The following CCDC126 variants were observed in gnomAD, a reference collection of about 807,000 sequenced individuals.
CCDC126 encodes coiled-coil domain containing 126.
A neutral mutation model predicts 11.7 loss-of-function variants in CCDC126; 5 were observed. That is an observed-to-expected ratio of 0.43 (90% confidence interval 0.22 to 0.90). The LOEUF (loss-of-function observed/expected upper bound fraction) is 0.90, where lower values mean the gene tolerates loss of function less well. Ranked by LOEUF, CCDC126 falls within the 40% of genes least tolerant of loss-of-function variation. The pLI is 0.27. For missense variants in CCDC126, 150 were observed against 163.1 expected (o/e 0.92, Z 0.44); for synonymous variants, 60 against 61.9 (o/e 0.97, Z 0.14).
intron 3 of CCDC126, among the ~76,000 whole-genome samples, chr7:23,638,727 T>TAAAAAAAAAAAAAAAAAAA (rs70954398): frequency 1.9e-4 from 17 of 89,648 alleles, no homozygotes; most frequent in Non-Finnish European, 2.4e-4. Context: ...AAAAAAAAAT[T>TAAAAAAAAAAAAAAAAAAA]AAAAAAAAAA....
intron 2 of CCDC126, among the ~76,000 whole-genome samples, chr7:23,602,931 C>A (rs1782567189): frequency 6.6e-6 from 1 of 152,152 alleles, no homozygotes; most frequent in Non-Finnish European, 1.5e-5. Flanking sequence ...CCTTTCACAT[C>A]TATGGTTCCT....
intron 3 of CCDC126, chr7:23,619,535 A>T: frequency 3.2e-6 from 1 of 309,128 alleles, no homozygotes; most frequent in Non-Finnish European, 6.5e-6. Context: ...CCACCTTACT[A>T]CATCCTTGTT....
At chr7:23,633,782 G>A (rs1257945835) in intron 3 of CCDC126, among the ~76,000 whole-genome samples, 1 of 152,106 alleles carries the variant, frequency 6.6e-6, no homozygotes, top group African/African-American at 2.4e-5. Context: ...TGAGCCCCGA[G>A]GTCGAGGCTG....
At chr7:23,618,954 T>C (rs1272004106) in intron 3 of CCDC126, among the ~76,000 whole-genome samples, 7 of 152,166 alleles carry the variant, frequency 4.6e-5, no homozygotes, top group Non-Finnish European at 8.8e-5. Flanking sequence ...TCAGATACCC[T>C]GGAGAAGCAC....
At chr7:23,636,276 C>T (rs1372064455) in intron 3 of CCDC126, among the ~76,000 whole-genome samples, 1 of 152,036 alleles carries the variant, frequency 6.6e-6, no homozygotes, top group African/African-American at 2.4e-5. Context: ...CTCTGCCCAG[C>T]CGCCACCCCG....
chr7:23,602,898 C>T (rs1028461636), intron 2 of CCDC126, among the ~76,000 whole-genome samples: 3 of 151,934 alleles, frequency 2.0e-5, no homozygotes, highest in Admixed American at 1.3e-4. Flanking sequence ...AAACAGGAAT[C>T]CTGTCTTTCA....
intron 3 of CCDC126, among the ~76,000 whole-genome samples, chr7:23,620,737 T>A (rs1460147324): frequency 6.6e-6 from 1 of 152,240 alleles, no homozygotes. Flanking sequence ...CTTTAATCCA[T>A]CTTGAATTAA....
At chr7:23,626,219 T>G (rs974748452) in intron 3 of CCDC126, among the ~76,000 whole-genome samples, 2 of 152,180 alleles carry the variant, frequency 1.3e-5, no homozygotes, top group Non-Finnish European at 2.9e-5. Flanking sequence ...AGATGCAGCT[T>G]CTTTTCTCCA....
At chr7:23,612,498 A>G (rs1189304042) in intron 3 of CCDC126, among the ~76,000 whole-genome samples, 2 of 143,418 alleles carry the variant, frequency 1.4e-5, no homozygotes, top group African/African-American at 2.7e-5. Flanking sequence ...AAAAAAAAAA[A>G]AAACAAAGAA....
rs540428044 is a variant in CCDC126 at position 23,624,124 on chromosome 7, C to T, written c.238+12571C>T. Among the ~76,000 whole-genome samples, 3 of 152,334 alleles carry T rather than the reference C, an allele frequency of 2.0e-5. No homozygotes were observed. In the South Asian group the frequency reaches 6.2e-4, roughly 32 times the overall value. Reference sequence around the variant, plus strand: ...CAGGTCTGCTAAGTCAGTTACCATTCAGCCCTGGAGTTTTGTTACTGTGGT... The same window carrying T: ...CAGGTCTGCTAAGTCAGTTACCATTTAGCCCTGGAGTTTTGTTACTGTGGT... On this transcript the variant is annotated intron_variant, in intron 3 of 3. Coordinates refer to ENST00000307471, the MANE Select transcript of CCDC126 (RefSeq NM_138771.4).
chr7:23,633,210 T>C (rs1783146026), intron 3 of CCDC126, among the ~76,000 whole-genome samples: 1 of 152,184 alleles, frequency 6.6e-6, no homozygotes, highest in Non-Finnish European at 1.5e-5. Context: ...CGGGCTGGTC[T>C]GGAACTCCCA....
chr7:23,630,643 C>A (rs540006883), intron 3 of CCDC126, among the ~76,000 whole-genome samples: 1 of 144,052 alleles, frequency 6.9e-6, no homozygotes, highest in South Asian at 2.2e-4. Flanking sequence ...CCCTTGAGCC[C>A]AGGAGGTTGA....
chr7:23,632,454 G>T (rs553663493), intron 3 of CCDC126, among the ~76,000 whole-genome samples: 1 of 152,278 alleles, frequency 6.6e-6, no homozygotes, highest in East Asian at 1.9e-4. Flanking sequence ...ATCAATCATT[G>T]TAATACCATA....
chr7:23,599,150 G>GTTT (rs1782486210), intron 2 of CCDC126, among the ~76,000 whole-genome samples: 1 of 152,190 alleles, frequency 6.6e-6, no homozygotes, highest in South Asian at 2.1e-4. Context: ...GAGCTGCACA[G>GTTT]TTTCTCTGCA....
chr7:23,616,669 CTCT>C (rs1028357441), intron 3 of CCDC126, among the ~76,000 whole-genome samples: 13 of 152,236 alleles, frequency 8.5e-5, no homozygotes, highest in Admixed American at 3.3e-4. Context: ...GAAGCTGATG[CTCT>C]TCTTTATCCT....
chr7:23,610,811 A>G (rs374627129), intron 2 of CCDC126, among the ~76,000 whole-genome samples: 6 of 151,964 alleles, frequency 3.9e-5, no homozygotes, highest in African/African-American at 1.4e-4. Context: ...TTTTTGAGGA[A>G]GAATAGCTTT....
At chr7:23,623,083 C>G (rs1782949527) in intron 3 of CCDC126, among the ~76,000 whole-genome samples, 1 of 148,888 alleles carries the variant, frequency 6.7e-6, no homozygotes, top group Admixed American at 6.8e-5. Context: ...AGGCGGTTCT[C>G]CTGCCTTAGC....
intron 3 of CCDC126, among the ~76,000 whole-genome samples, chr7:23,629,376 A>G (rs1783067885): frequency 6.6e-6 from 1 of 152,152 alleles, no homozygotes; most frequent in South Asian, 2.1e-4. Context: ...CAGATACCAA[A>G]TCTGCCGGCC....
chr7:23,610,883 A>G (rs984942631), intron 2 of CCDC126, among the ~76,000 whole-genome samples: 5 of 152,100 alleles, frequency 3.3e-5, no homozygotes, highest in Admixed American at 3.3e-4. Context: ...ATCTCATTAT[A>G]ATATCCATGG....
Sources: allele counts gnomAD v4.1 joint callset (sites outside exome capture counted in the v4.1 genomes callset), GRCh38; gene constraint gnomAD v4.1.1; transcripts MANE v1.5; gene names NCBI Gene and HGNC (gene_info 2026-07-23, HGNC 2026-07-21).